The following RBMS3 variants were observed in gnomAD, a reference collection of about 807,000 sequenced individuals.
The protein encoded by RBMS3 is RNA-binding motif, single-stranded-interacting protein 3.
RBMS3 carries 27 observed loss-of-function variants against 66.8 expected under a neutral mutation model. The observed-to-expected ratio is 0.40, with a 90% CI of 0.30 to 0.56. The LOEUF (loss-of-function observed/expected upper bound fraction) is 0.56. Ranked by LOEUF, RBMS3 falls within the 20% of genes least tolerant of loss-of-function variation. The pLI, the probability that RBMS3 is intolerant of heterozygous loss-of-function variation, is 0.40. For synonymous variants in RBMS3, 188 were observed against 183.0 expected, an observed-to-expected ratio of 1.03 and a Z score of -0.22; for missense variants, 513 against 549.5, an observed-to-expected ratio of 0.93 and a Z score of 0.66.
At chr3:29,397,691 C>G (rs2039617111) in intron 1 of RBMS3, among the ~76,000 whole-genome samples, 1 of 152,100 alleles carries the variant, frequency 6.6e-6, no homozygotes, top group Admixed American at 6.6e-5. Context: ...CACCCCTCCC[C>G]CTTACAGCTC....
At chr3:29,503,954 G>A (rs185203374) in intron 3 of RBMS3, among the ~76,000 whole-genome samples, 179 of 152,152 alleles carry the variant, frequency 1.2e-3, no homozygotes, top group Non-Finnish European at 2.2e-3. Context: ...GATTTAACTC[G>A]AGTTAAAGCA....
intron 4 of RBMS3, among the ~76,000 whole-genome samples, chr3:29,733,815 T>C (rs1331477282): frequency 6.6e-6 from 1 of 152,166 alleles, no homozygotes; most frequent in African/African-American, 2.4e-5. Flanking sequence ...CAAAAAATCT[T>C]TGTCCAGACC....
chr3:29,736,007 T>A (rs957794406), intron 4 of RBMS3, among the ~76,000 whole-genome samples: 1 of 152,136 alleles, frequency 6.6e-6, no homozygotes, highest in African/African-American at 2.4e-5. Flanking sequence ...TTCCGGAAAA[T>A]TAAAAGGAAA....
At chr3:29,816,325 C>G (rs1011994026) in intron 6 of RBMS3, among the ~76,000 whole-genome samples, 1 of 151,224 alleles carries the variant, frequency 6.6e-6, no homozygotes, top group Non-Finnish European at 1.5e-5. Context: ...CACACACACA[C>G]ACACACACAC....
rs3836344 is a variant in RBMS3 at position 29,745,898 on chromosome 3, T to TAA, written c.557+6031_557+6032dup. 6.9e-3 allele frequency among the ~76,000 whole-genome samples: 1,021 copies of TAA among 147,958 alleles called. 5 individuals carry two copies. The highest frequency in any genetic ancestry group is 0.022 in the African/African-American group (905 of 40,446). On this transcript the variant is annotated intron_variant, in intron 5 of 14. Coordinates refer to ENST00000383767, the MANE Select transcript of RBMS3 (RefSeq NM_001003793.3). The stretch of plus-strand genomic sequence containing the variant: ...TAAGTTTTTCTTTCTTTTCATTAAG[T>TAA]AAAAAAAAAAAGATGGGTATAGGCA...
chr3:29,699,104 A>T (rs1419063849), intron 4 of RBMS3, among the ~76,000 whole-genome samples: 2 of 152,182 alleles, frequency 1.3e-5, no homozygotes, highest in African/African-American at 4.8e-5. Flanking sequence ...AACATACACA[A>T]AAAATCTTTC....
chr3:29,419,204 TTA>T (rs2040602106), intron 1 of RBMS3, among the ~76,000 whole-genome samples: 1 of 152,158 alleles, frequency 6.6e-6, no homozygotes, highest in African/African-American at 2.4e-5. Flanking sequence ...GTTTATCTAT[TTA>T]TCTTTTCTTT....
chr3:29,775,544 AATATC>A (rs1202804501), intron 6 of RBMS3, among the ~76,000 whole-genome samples: 5 of 152,014 alleles, frequency 3.3e-5, no homozygotes, highest in African/African-American at 1.2e-4. Context: ...GTTTAAGACT[AATATC>A]TAAGAGCCAG....
rs1220118294 is a variant in RBMS3 at position 30,004,929 on chromosome 3, A to C, written c.*1067A>C. On this transcript the variant is annotated 3_prime_UTR_variant, in exon 15 of 15. Coordinates refer to ENST00000383767, the MANE Select transcript of RBMS3 (RefSeq NM_001003793.3). ...AGTAGATAGGAGCTTATGGTCAAAA[A>C]GTGCAAAAAAAAAAACAAAAAAAAA... 6.7e-6 allele frequency: 1 copy of C among 149,958 alleles called. No individual in the cohort carries two copies. The highest frequency in any genetic ancestry group is 2.5e-5 in the African/African-American group (1 of 40,352). 9.3% of individuals were successfully genotyped at this position (149,958 alleles called of 1,614,324 possible). A position where few individuals can be genotyped will look rare whatever the true frequency, so the allele number is the denominator to read the frequency against.
intron 4 of RBMS3, among the ~76,000 whole-genome samples, chr3:29,625,503 G>T (rs540466295): frequency 6.6e-6 from 1 of 152,042 alleles, no homozygotes; most frequent in East Asian, 1.9e-4. Flanking sequence ...AGACCAGCCC[G>T]ACCAAAGTGG....
rs1222355207 is a variant in RBMS3, at chr3:29,867,058, G to A, written c.638-1800G>A. On this transcript the variant is annotated intron_variant, in intron 6 of 14. Coordinates refer to ENST00000383767, the MANE Select transcript of RBMS3 (RefSeq NM_001003793.3). The stretch of plus-strand genomic sequence containing the variant: ...TAAACAGAGTTGCTGCTAATAGTGA[G>A]CTAAAAGGATTTGACAAAATATGAC... Among the ~76,000 whole-genome samples the A allele has an allele frequency of 2.6e-5, 4 of 152,044 alleles. No individual in the cohort carries two copies. The East Asian group carries it at 7.7e-4, about 29-fold the overall frequency.
chr3:29,992,684 T>G (rs1698964801), intron 14 of RBMS3, among the ~76,000 whole-genome samples: 1 of 152,074 alleles, frequency 6.6e-6, no homozygotes, highest in Non-Finnish European at 1.5e-5. Context: ...CAAAGACAGC[T>G]GGGGATCTGT....
At chr3:29,796,781 C>G (rs375746091) in intron 6 of RBMS3, among the ~76,000 whole-genome samples, 1 of 139,306 alleles carries the variant, frequency 7.2e-6, no homozygotes, top group East Asian at 2.1e-4. Context: ...GGCATGATCT[C>G]AGCTCACTGC....
intron 3 of RBMS3, among the ~76,000 whole-genome samples, chr3:29,553,857 G>A (rs1278843910): frequency 6.8e-6 from 1 of 146,998 alleles, no homozygotes; most frequent in Non-Finnish European, 1.5e-5. Flanking sequence ...CTTATCTCCT[G>A]AAAGGTACAC....
At chr3:29,448,114 C>G (rs1322085865) in intron 2 of RBMS3, among the ~76,000 whole-genome samples, 1 of 152,114 alleles carries the variant, frequency 6.6e-6, no homozygotes, top group Non-Finnish European at 1.5e-5. Flanking sequence ...CAACACAGAA[C>G]AGTGGTGCAA....
At chr3:29,392,468 C>G (rs2039345217) in intron 1 of RBMS3, among the ~76,000 whole-genome samples, 1 of 151,910 alleles carries the variant, frequency 6.6e-6, no homozygotes, top group South Asian at 2.1e-4. Flanking sequence ...TGGTTAGTTC[C>G]TGGAATATAG....
In RBMS3 at chr3:29,987,512, G is replaced by A. The variant is rs142494001; in HGVS notation, c.1099-631G>A. Among the ~76,000 whole-genome samples, 219 of 152,138 alleles carry A rather than the reference G, an allele frequency of 1.4e-3. 1 individual carries two copies. The highest frequency in any genetic ancestry group is 5.0e-3 in the African/African-American group (208 of 41,504). On this transcript the variant is annotated intron_variant, in intron 12 of 14. Coordinates refer to ENST00000383767, the MANE Select transcript of RBMS3 (RefSeq NM_001003793.3). The stretch of plus-strand genomic sequence containing the variant: ...AAAAATCTGGTGAATTAAAGGTATT[G>A]GAAAGGAAATTTTAACACTGATATG...
chr3:29,864,038 G>A (rs150620927), intron 6 of RBMS3, among the ~76,000 whole-genome samples: 1 of 152,326 alleles, frequency 6.6e-6, no homozygotes, highest in African/African-American at 2.4e-5. Context: ...AAAAGGTAGA[G>A]ATGGTCTCTT....
intron 1 of RBMS3, among the ~76,000 whole-genome samples, chr3:29,350,132 C>A (rs1034509880): frequency 6.0e-5 from 9 of 149,698 alleles, no homozygotes; most frequent in African/African-American, 2.2e-4. Context: ...TGCACTCCAG[C>A]CTGGGCAACA....
Sources: gnomAD v4.1 joint callset for allele counts (sites outside exome capture counted in the v4.1 genomes callset) on GRCh38, gnomAD v4.1.1 for gene constraint, MANE v1.5 for transcripts, NCBI Gene and HGNC (gene_info 2026-07-23, HGNC 2026-07-21) for gene names.